Variants in MFSD11 observed in about 807,000 individuals in gnomAD.
MFSD11 encodes the protein major facilitator superfamily domain containing 11, also known as UNC93-like protein MFSD11.
A neutral mutation model predicts 53.5 loss-of-function variants in MFSD11; 36 were observed. The ratio of observed to expected loss-of-function variants is 0.67; its 90% CI spans 0.52 to 0.89. The LOEUF is 0.89. MFSD11 is among the 40% of genes least tolerant of loss of function. MFSD11 has a pLI of 0.00. For missense variants in MFSD11, 530 were observed against 543.9 expected (o/e 0.97, Z 0.25); for synonymous variants, 186 against 184.9 (o/e 1.01, Z -0.05).
rs1343789296 is a variant in MFSD11, at chr17:76,778,537, A to C, written c.*185A>C. On this transcript the variant is annotated 3_prime_UTR_variant, in exon 13 of 13. Transcript: ENST00000685175. ...TTTACAGATATGAGTTATTTAAAGC[A>C]AGTAGAATAAGGGAAAGCTGTTCTG... The C allele has an allele frequency of 5.6e-6, 3 of 538,432 alleles. No homozygotes were observed. Among genetic ancestry groups the C allele is most frequent in the African/African-American group, 1.9e-5 (1 of 53,342 alleles). 33.4% of individuals were successfully genotyped at this position (538,432 alleles called of 1,614,324 possible).
chr17:76,739,015 T>G (rs1412128721), intron 2 of MFSD11, 22 bp downstream of exon 2: 1 of 1,601,878 alleles, frequency 6.2e-7, no homozygotes, highest in South Asian at 1.1e-5. Flanking sequence ...TATGATTGAT[T>G]TTGCTTTATA....
At chr17:76,748,993 G>A (rs1249922631) in intron 7 of MFSD11, among the ~76,000 whole-genome samples, 2 of 151,612 alleles carry the variant, frequency 1.3e-5, no homozygotes, top group African/African-American at 4.9e-5. Context: ...ACAGAAGTTT[G>A]TGCATTCATG....
chr17:76,767,267 C>A (rs1305799864), intron 8 of MFSD11, 119 bp from the exon 9 acceptor site: 4 of 626,324 alleles, frequency 6.4e-6, no homozygotes, highest in Non-Finnish European at 1.1e-5. Flanking sequence ...AAAGTTATAT[C>A]CCAAAGTGTT....
chr17:76,799,954 C>CTTTTTTTTTTTTTTTTTTT, the MFSD11 span, among the ~76,000 whole-genome samples: 2 of 87,300 alleles, frequency 2.3e-5, no homozygotes, highest in African/African-American at 8.3e-5. Context: ...TTTTCTTTTT[C>CTTTTTTTTTTTTTTTTTTT]CTTTTTTTTT....
chr17:76,768,986 A>T (rs931439126), intron 9 of MFSD11, among the ~76,000 whole-genome samples: 1 of 120,838 alleles, frequency 8.3e-6, no homozygotes, highest in Non-Finnish European at 1.6e-5. Flanking sequence ...ACTCTCTCTC[A>T]AAAAAAAAAA....
chr17:76,793,121 G>A, the MFSD11 span, among the ~76,000 whole-genome samples: 1 of 151,462 alleles, frequency 6.6e-6, no homozygotes, highest in African/African-American at 2.5e-5. Flanking sequence ...GGCACGCATT[G>A]TCATTGATAA....
At chr17:76,761,144 G>A (rs192818484) in intron 8 of MFSD11, among the ~76,000 whole-genome samples, 20 of 152,258 alleles carry the variant, frequency 1.3e-4, no homozygotes, top group Middle Eastern at 6.8e-3. Flanking sequence ...GACAGAGATT[G>A]CAGTGAGCCG....
chr17:76,752,239 A>G lies in MFSD11; in HGVS notation c.642-1808A>G, dbSNP rs150463956. Among the ~76,000 whole-genome samples, 519 of 152,238 alleles carry G rather than the reference A, an allele frequency of 3.4e-3. 5 individuals are homozygous for G. Among genetic ancestry groups the G allele is most frequent in the African/African-American group, 0.011 (475 of 41,546 alleles). On this transcript the variant is annotated intron_variant, in intron 7 of 12. Transcript: ENST00000685175. ...ACTTCCGTTTCCCATTGAAGAGAAA[A>G]TGAGGCATAGGATGTACAATGATCT...
downstream of MFSD11, among the ~76,000 whole-genome samples, chr17:76,785,054 C>G (rs1413715191): frequency 2.6e-5 from 4 of 152,162 alleles, no homozygotes; most frequent in Admixed American, 2.6e-4. Flanking sequence ...TTCACAATTA[C>G]CTAACAGTGG....
chr17:76,738,868 A>G, intron 1 of MFSD11, 70 bp from the exon 2 acceptor site: 1 of 1,154,122 alleles, frequency 8.7e-7, no homozygotes, highest in Non-Finnish European at 1.3e-6. Context: ...GAGTACTTGG[A>G]GTCACACTTC....
rs189871413 is a variant in MFSD11 at position 76,778,362 on chromosome 17, C to T, written c.*10C>T. ...CTACCGAAGTATCTGATCTGGTGTC[C>T]GTGAGGGGACACGTATGACCTCAGA... On this transcript the variant is annotated 3_prime_UTR_variant, in exon 13 of 13. Transcript: ENST00000685175. 207 of 1,613,822 alleles carry T rather than the reference C, an allele frequency of 1.3e-4. No individual in the cohort carries two copies. The African/African-American group carries it at 2.2e-3, about 17-fold the overall frequency.
In MFSD11 at chr17:76,778,220, C is replaced by G; in HGVS notation, c.1218C>G (p.Ser406Arg). The change falls in exon 13 of 13, where the codon AGC (serine) becomes AGG (arginine). Residue 406 changes from serine to arginine, a missense_variant. Transcript: ENST00000685175. The part of the protein sequence containing the change: ...SICAAVAFFY[S>R]NYLLLHWQLL... ...GCGCAGCCGTGGCATTTTTCTACAG[C>G]AACTACCTTCTCCTTCACTGGCAAC... 2.5e-6 allele frequency: 4 copies of G among 1,614,206 alleles called. No homozygotes were observed. In the South Asian group the frequency reaches 3.3e-5, roughly 13 times the overall value.
chr17:76,776,631 T>A lies in MFSD11; in HGVS notation c.1185+90T>A. On this transcript the variant is annotated intron_variant, in intron 12 of 12. Coordinates refer to ENST00000685175, the MANE Select transcript of MFSD11 (RefSeq NM_001242532.5). This position sits in a 1 kb window ranked among gnomAD's most constrained non-coding sequence, Gnocchi z 4.2. ...TCCTTGGTTACTTGTATTGTGGTTT[T>A]AATTTTTATTTATTTATTTTTATTT... 1 of 1,213,708 alleles carries A rather than the reference T, an allele frequency of 8.2e-7. No homozygotes were observed. The highest frequency in any genetic ancestry group is 1.1e-6 in the Non-Finnish European group (1 of 897,870). The allele number at this position is 1,213,708 out of a possible 1,614,324, so 75.2% of individuals were successfully genotyped here. A position where few individuals can be genotyped will look rare whatever the true frequency, so the allele number is the denominator to read the frequency against.
intron 8 of MFSD11, among the ~76,000 whole-genome samples, chr17:76,765,791 T>G (rs1284071527): frequency 1.3e-5 from 2 of 151,996 alleles, no homozygotes; most frequent in African/African-American, 4.8e-5. Flanking sequence ...GCAAATAGAT[T>G]GATGGGTTTT....
intron 10 of MFSD11, among the ~76,000 whole-genome samples, chr17:76,772,917 T>G (rs545738004): frequency 6.6e-6 from 1 of 152,150 alleles, no homozygotes. Context: ...CATTACTCAG[T>G]CTAGGGCTAA....
Position 76,741,032 on chromosome 17 carries a change from A to C in MFSD11, c.228A>C (p.Gln76His), listed in dbSNP as rs1555658722. 18 of 1,611,046 alleles carry C rather than the reference A, an allele frequency of 1.1e-5. No homozygotes were observed. The highest frequency in any genetic ancestry group is 1.4e-5 in the Non-Finnish European group (17 of 1,178,106). Residue 76 changes from glutamine to histidine, a missense_variant, in exon 3 of 13, where the codon CAA (glutamine) becomes CAC (histidine). Gln to His is a conservative substitution (Grantham distance 24). Coordinates refer to ENST00000685175, the MANE Select transcript of MFSD11 (RefSeq NM_001242532.5). ...CAGTGGTTGCCATTGTAGGACCTCAACTCTCTATGTTTGCCAGTGGTTTAT... is the reference window on the plus strand; with the variant it reads ...CAGTGGTTGCCATTGTAGGACCTCACCTCTCTATGTTTGCCAGTGGTTTAT... ...TPSVVAIVGP[Q>H]LSMFASGLFY...
intron 12 of MFSD11, among the ~76,000 whole-genome samples, chr17:76,777,525 GC>G (rs1326876405): frequency 6.6e-6 from 1 of 152,122 alleles, no homozygotes; most frequent in African/African-American, 2.4e-5. Flanking sequence ...ATGAGCCACC[GC>G]CCCGGCTATA....
rs2081805134 is a variant in MFSD11, at chr17:76,776,047, C to T, written c.1050-359C>T. ...GCCTAGAATGCAAGTGGCGTGATCT[C>T]CGCTCACTGCAACCTCCACCTCCGG... On this transcript the variant is annotated intron_variant, in intron 11 of 12. Coordinates refer to ENST00000685175, the MANE Select transcript of MFSD11 (RefSeq NM_001242532.5). This position sits in a 1 kb window ranked among gnomAD's most constrained non-coding sequence, Gnocchi z 4.2. Among the ~76,000 whole-genome samples the T allele has an allele frequency of 6.6e-6, 1 of 152,176 alleles. No homozygotes were observed. Among genetic ancestry groups the T allele is most frequent in the Non-Finnish European group, 1.5e-5 (1 of 68,040 alleles).
At chr17:76,787,941 C>G in the MFSD11 span, among the ~76,000 whole-genome samples, 1 of 149,842 alleles carries the variant, frequency 6.7e-6, no homozygotes, top group Admixed American at 6.7e-5. Context: ...CATCACATGA[C>G]AGATAGGAGA....
Sources: allele counts gnomAD v4.1 joint callset (sites outside exome capture counted in the v4.1 genomes callset), GRCh38; gene constraint gnomAD v4.1.1; non-coding constraint Gnocchi (gnomAD v3.1); transcripts MANE v1.5; gene names NCBI Gene and HGNC (gene_info 2026-07-23, HGNC 2026-07-21).